Variants in KALRN observed in about 807,000 individuals in gnomAD.
KALRN encodes the protein kalirin RhoGEF kinase.
KALRN carries 70 observed loss-of-function variants against 353.7 expected under a neutral mutation model. The observed-to-expected ratio is 0.20, with a 90% confidence interval of 0.16 to 0.24. The LOEUF is 0.24. Among genes scored for constraint, KALRN ranks in the 10% least tolerant of loss-of-function variants. KALRN has a pLI of 1.00. For missense variants in KALRN, 2,791 were observed against 3,756.7 expected (o/e 0.74, Z 6.72); for synonymous variants, 1,391 against 1,434.8 (o/e 0.97, Z 0.69).
At chr3:124,619,172 T>C (rs1213793903) in intron 34 of KALRN, among the ~76,000 whole-genome samples, 2 of 151,468 alleles carry the variant, frequency 1.3e-5, no homozygotes, top group East Asian at 3.9e-4. Context: ...GATCATGCAA[T>C]AGTTTTCTAT....
intron 1 of KALRN, among the ~76,000 whole-genome samples, chr3:124,217,119 T>G (rs1364799603): frequency 6.6e-6 from 1 of 152,230 alleles, no homozygotes; most frequent in Non-Finnish European, 1.5e-5. Flanking sequence ...TATATTATAT[T>G]TCTTGCATGA....
chr3:124,663,386 C>T lies in KALRN; in HGVS notation c.6345+1458C>T, dbSNP rs918027215. ...TGCTGACATTCTGGGATTTTAGGGGCTAGGACTTCAACATAGGAATTGATG... is the reference window on the plus strand; with the variant it reads ...TGCTGACATTCTGGGATTTTAGGGGTTAGGACTTCAACATAGGAATTGATG... On this transcript the variant is annotated intron_variant, in intron 45 of 59. Transcript: ENST00000682506. 3.3e-5 allele frequency among the ~76,000 whole-genome samples: 5 copies of T among 152,284 alleles called. No individual in the cohort carries two copies. In the South Asian group the frequency reaches 1.0e-3, roughly 32 times the overall value.
chr3:124,169,657 T>C (rs1160668527), intron 1 of KALRN, among the ~76,000 whole-genome samples: 2 of 152,166 alleles, frequency 1.3e-5, no homozygotes, highest in Admixed American at 1.3e-4. Context: ...GATTGGTCTC[T>C]GATGGAGATG....
chr3:124,037,430 G>T (rs2039533124), intron 1 of KALRN, among the ~76,000 whole-genome samples: 2 of 152,200 alleles, frequency 1.3e-5, no homozygotes, highest in African/African-American at 2.4e-5. Flanking sequence ...ATGGGAAACA[G>T]GATTGGAGAA....
Position 124,181,525 on chromosome 3 carries a change from A to G in KALRN, c.74-46465A>G, listed in dbSNP as rs973273561. ...AAGTTGCTGGCTTTGGTTCATTATTAGCTCTAATTTACTACGAAATGCATG... is the reference window on the plus strand; with the variant it reads ...AAGTTGCTGGCTTTGGTTCATTATTGGCTCTAATTTACTACGAAATGCATG... On this transcript the variant is annotated intron_variant, in intron 1 of 59. Transcript: ENST00000682506. Among the ~76,000 whole-genome samples, 5 of 152,178 alleles carry G rather than the reference A, an allele frequency of 3.3e-5. No individual in the cohort carries two copies. In the East Asian group the frequency reaches 9.6e-4, roughly 29 times the overall value.
chr3:124,298,657 C>T (rs557315761), intron 5 of KALRN, 134 bp from the exon 6 acceptor site: 51 of 1,048,362 alleles, frequency 4.9e-5, no homozygotes, highest in Middle Eastern at 2.1e-4. Flanking sequence ...ATTAAGACCC[C>T]GAGACTCAGA....
chr3:124,217,759 G>A (rs931414193), intron 1 of KALRN, among the ~76,000 whole-genome samples: 13 of 152,132 alleles, frequency 8.5e-5, no homozygotes, highest in African/African-American at 2.9e-4. Context: ...AGTGGGGAGA[G>A]GGTGCTTTAG....
chr3:124,239,009 G>A (rs2080116101), intron 3 of KALRN, among the ~76,000 whole-genome samples: 1 of 152,202 alleles, frequency 6.6e-6, no homozygotes, highest in Non-Finnish European at 1.5e-5. Flanking sequence ...TATTTACTGA[G>A]TGTCTACTAT....
intron 1 of KALRN, among the ~76,000 whole-genome samples, chr3:124,150,719 A>G (rs934763349): frequency 1.3e-5 from 2 of 152,208 alleles, no homozygotes; most frequent in Non-Finnish European, 2.9e-5. Flanking sequence ...TTTTCACTGA[A>G]GTATAGCAAG....
chr3:124,425,746 C>G (rs2092983990), intron 15 of KALRN, among the ~76,000 whole-genome samples: 1 of 152,052 alleles, frequency 6.6e-6, no homozygotes, highest in Non-Finnish European at 1.5e-5. Flanking sequence ...TTCTCTTTTC[C>G]TTCGCCGATA....
At chr3:124,245,543 A>T (rs35448700) in intron 3 of KALRN, among the ~76,000 whole-genome samples, 9 of 87,716 alleles carry the variant, frequency 1.0e-4, no homozygotes, top group African/African-American at 4.1e-4. Context: ...TTTTATATTT[A>T]TTTTTTTGAG....
chr3:124,188,100 C>T (rs1025165816), intron 1 of KALRN, among the ~76,000 whole-genome samples: 8 of 152,132 alleles, frequency 5.3e-5, no homozygotes, highest in Non-Finnish European at 1.0e-4. Flanking sequence ...AGGCTGCAGC[C>T]AGGCATTATG....
At chr3:124,224,153 T>A (rs941991863) in intron 1 of KALRN, among the ~76,000 whole-genome samples, 2 of 143,344 alleles carry the variant, frequency 1.4e-5, no homozygotes, top group African/African-American at 5.4e-5. Context: ...CATCCCTGAT[T>A]TTGTTTTTTT....
intron 9 of KALRN, among the ~76,000 whole-genome samples, chr3:124,339,354 CAG>C (rs1045638992): frequency 5.3e-5 from 8 of 152,140 alleles, no homozygotes; most frequent in African/African-American, 1.7e-4. Context: ...TTGCAGCTCT[CAG>C]TGGAAGCACA....
chr3:124,629,725 C>G (rs981388893), intron 34 of KALRN, among the ~76,000 whole-genome samples: 3 of 152,216 alleles, frequency 2.0e-5, no homozygotes, highest in Non-Finnish European at 2.9e-5. Context: ...CATACCAGCC[C>G]TCTGGCAATT....
At position 124,477,266 on chromosome 3, in the gene KALRN, G is replaced by A. The variant is rs2061516741; in HGVS notation, c.4123G>A (p.Val1375Ile). ...VTWADKFQMY[V>I]TYCKNKPDSN... ...TTAGGCAGACAAATTTCAGATGTAT[G>A]TCACCTACTGTAAAAACAAGCCTGA... is the stretch of plus-strand genomic sequence containing the variant. Residue 1375 changes from valine to isoleucine, a missense_variant, in exon 27 of 60, where the codon GTC becomes ATC. By Grantham distance (29) the Val-to-Ile change is conservative (BLOSUM62 3). Around this residue, in one of 11 missense-constraint regions of KALRN, gnomAD observed 54 missense variants for 131.7 expected, o/e 0.41. Transcript: ENST00000682506. 6.2e-7 allele frequency: 1 copy of A among 1,613,146 alleles called. No homozygotes were observed. The highest frequency in any genetic ancestry group is 8.5e-7 in the Non-Finnish European group (1 of 1,179,256).
chr3:124,092,092 C>T (rs2061152147), intron 1 of KALRN, among the ~76,000 whole-genome samples: 1 of 152,164 alleles, frequency 6.6e-6, no homozygotes, highest in African/African-American at 2.4e-5. Flanking sequence ...ACCCAATGGG[C>T]ATTGCTTATG....
At chr3:124,171,252 C>T (rs1031854237) in intron 1 of KALRN, among the ~76,000 whole-genome samples, 4 of 152,192 alleles carry the variant, frequency 2.6e-5, no homozygotes, top group Non-Finnish European at 5.9e-5. Flanking sequence ...CTTGGGTTGG[C>T]ATCAGCTGGG....
intron 1 of KALRN, among the ~76,000 whole-genome samples, chr3:124,069,360 AG>A (rs1559899971): frequency 3.7e-4 from 13 of 35,588 alleles, no homozygotes; most frequent in East Asian, 1.5e-3. Flanking sequence ...GAGGAGGAGG[AG>A]GAGGAGGAGG....
Sources: gnomAD v4.1 joint callset for allele counts (sites outside exome capture counted in the v4.1 genomes callset) on GRCh38, gnomAD v4.1.1 for gene constraint, gnomAD v4.1.1 regional missense constraint, MANE v1.5 for transcripts, NCBI Gene and HGNC (gene_info 2026-07-23, HGNC 2026-07-21) for gene names.